The following PVT1 variants were observed in gnomAD, a reference collection of about 807,000 sequenced individuals.
PVT1 encodes the protein CXCR4/PVT1 fusion.
chr8:127,914,158 T>A (rs1196557740), intron 3 of PVT1, among the ~76,000 whole-genome samples: 3 of 150,086 alleles, frequency 2.0e-5, no homozygotes, highest in Non-Finnish European at 2.9e-5. Flanking sequence ...CATGAAAAGA[T>A]GCTCAGTAGC....
chr8:127,969,437 C>A (rs1816739495), intron 3 of PVT1, among the ~76,000 whole-genome samples: 2 of 152,158 alleles, frequency 1.3e-5, no homozygotes, highest in Non-Finnish European at 2.9e-5. Flanking sequence ...TCCAGGATGC[C>A]TTTTGGAGCC....
chr8:128,022,645 G>A (rs1016392480), intron 4 of PVT1, among the ~76,000 whole-genome samples: 7 of 152,176 alleles, frequency 4.6e-5, no homozygotes, highest in African/African-American at 1.7e-4. Context: ...CATGGAACTT[G>A]GTACAGTTGA....
At chr8:127,938,878 G>A (rs893060926) in intron 3 of PVT1, among the ~76,000 whole-genome samples, 2 of 152,222 alleles carry the variant, frequency 1.3e-5, no homozygotes, top group African/African-American at 4.8e-5. Flanking sequence ...TTGGTTGAGC[G>A]TCTCCTTTGA....
At chr8:128,092,025 C>A (rs77517669) in intron 5 of PVT1, among the ~76,000 whole-genome samples, 3,796 of 152,248 alleles carry the variant, frequency 0.025, 163 homozygotes, top group Admixed American at 0.11. Flanking sequence ...CTGAGCTCTC[C>A]CCTTCTCCCC....
At chr8:127,804,927 CTTTTTTTTTTTT>C (rs754070998) in intron 2 of PVT1, among the ~76,000 whole-genome samples, 1 of 114,208 alleles carries the variant, frequency 8.8e-6, no homozygotes, top group Non-Finnish European at 1.9e-5. Flanking sequence ...TTGTCCATGT[CTTTTTTTTTTTT>C]TTTTTTTTGA....
chr8:127,980,386 G>C (rs1376792573), intron 3 of PVT1, among the ~76,000 whole-genome samples: 1 of 152,140 alleles, frequency 6.6e-6, no homozygotes, highest in Non-Finnish European at 1.5e-5. Flanking sequence ...TGGGCTGAGC[G>C]GTGGCTCAAC....
chr8:127,889,179 G>A (rs1815567943), intron 2 of PVT1, among the ~76,000 whole-genome samples: 1 of 150,440 alleles, frequency 6.6e-6, no homozygotes, highest in Non-Finnish European at 1.5e-5. Context: ...GCCCAGGCTG[G>A]AATGCAGTGG....
intron 3 of PVT1, among the ~76,000 whole-genome samples, chr8:127,935,627 T>C (rs1015708206): frequency 6.6e-6 from 1 of 152,120 alleles, no homozygotes; most frequent in Non-Finnish European, 1.5e-5. Flanking sequence ...AGGTGAGCCA[T>C]GCGTGGCCCG....
intron 4 of PVT1, among the ~76,000 whole-genome samples, chr8:128,054,149 A>C (rs1389768886): frequency 6.6e-6 from 1 of 152,152 alleles, no homozygotes; most frequent in Non-Finnish European, 1.5e-5. Context: ...CAGGGTGAGA[A>C]TCTCCTATTG....
At chr8:128,002,905 C>T (rs1446318194) in intron 4 of PVT1, among the ~76,000 whole-genome samples, 1 of 151,146 alleles carries the variant, frequency 6.6e-6, no homozygotes, top group Non-Finnish European at 1.5e-5. Context: ...CTTTTTTTCT[C>T]TTCTTTCTTT....
chr8:127,905,283 T>C (rs955947515), intron 3 of PVT1, among the ~76,000 whole-genome samples: 2 of 152,186 alleles, frequency 1.3e-5, no homozygotes, highest in Non-Finnish European at 2.9e-5. Flanking sequence ...GCAAATGCCA[T>C]GGGCTGGGAG....
At chr8:127,805,128 C>T (rs1408219587) in intron 2 of PVT1, among the ~76,000 whole-genome samples, 1 of 151,762 alleles carries the variant, frequency 6.6e-6, no homozygotes, top group Non-Finnish European at 1.5e-5. Context: ...CGGGGTTTCT[C>T]CACGTTGGTC....
chr8:127,969,045 C>T (rs567350140), intron 3 of PVT1, among the ~76,000 whole-genome samples: 11 of 152,218 alleles, frequency 7.2e-5, no homozygotes, highest in African/African-American at 2.4e-4. Context: ...ACCTATTTTG[C>T]GACCATTTGT....
At chr8:127,844,192 G>T (rs956417171) in intron 2 of PVT1, among the ~76,000 whole-genome samples, 17 of 152,040 alleles carry the variant, frequency 1.1e-4, no homozygotes, top group Non-Finnish European at 2.2e-4. Context: ...CACCGTGTTA[G>T]CCAGGATGGT....
At chr8:128,003,411 T>C (rs1460771771) in intron 4 of PVT1, among the ~76,000 whole-genome samples, 1 of 151,570 alleles carries the variant, frequency 6.6e-6, no homozygotes, top group Non-Finnish European at 1.5e-5. Context: ...AGTGGAAGGA[T>C]CATGGCCCAC....
intron 2 of PVT1, among the ~76,000 whole-genome samples, chr8:127,799,161 T>C (rs1388993800): frequency 1.3e-5 from 2 of 152,106 alleles, no homozygotes; most frequent in Non-Finnish European, 2.9e-5. Context: ...TATTGTTTTG[T>C]TTATCTGCCT....
At chr8:127,837,462 A>G (rs1331302176) in intron 2 of PVT1, among the ~76,000 whole-genome samples, 3 of 151,642 alleles carry the variant, frequency 2.0e-5, no homozygotes, top group Non-Finnish European at 2.9e-5. Context: ...TTCATGAACC[A>G]TTGCACTTGG....
At chr8:127,908,444 C>T (rs1274895009) in intron 3 of PVT1, among the ~76,000 whole-genome samples, 1 of 151,360 alleles carries the variant, frequency 6.6e-6, no homozygotes, top group Non-Finnish European at 1.5e-5. Context: ...TGGGTTCAAG[C>T]GATTCTCCTG....
chr8:127,869,096 T>C (rs1815323489), intron 2 of PVT1, among the ~76,000 whole-genome samples: 1 of 151,950 alleles, frequency 6.6e-6, no homozygotes, highest in Non-Finnish European at 1.5e-5. Context: ...TATAAGCAGT[T>C]GTTAGTAAAT....
Sources: gnomAD v4.1 joint callset for allele counts (sites outside exome capture counted in the v4.1 genomes callset) on GRCh38, gnomAD v4.1.1 for gene constraint, MANE v1.5 for transcripts, NCBI Gene and HGNC (gene_info 2026-07-23, HGNC 2026-07-21) for gene names.